CDH13: variants seen among roughly 807,000 people sequenced by gnomAD.
CDH13 encodes cadherin-13.
A neutral mutation model predicts 63.8 loss-of-function variants in CDH13; 24 were observed. That is an observed-to-expected ratio of 0.38 (90% CI 0.27 to 0.53). CDH13 has a LOEUF of 0.53. Among genes scored for constraint, CDH13 ranks in the 20% least tolerant of loss-of-function variants. The pLI, the probability that CDH13 is intolerant of heterozygous loss-of-function variation, is 0.85. For synonymous variants in CDH13, 503 were observed against 355.3 expected (o/e 1.42, Z -4.67); for missense variants, 1,049 against 903.1 (o/e 1.16, Z -2.07).
chr16:82,812,817 T>A (rs1001045565), intron 1 of CDH13, among the ~76,000 whole-genome samples: 1 of 151,954 alleles, frequency 6.6e-6, no homozygotes, highest in South Asian at 2.1e-4. Flanking sequence ...CCTTTTTCCT[T>A]CCTTCCTTCC....
chr16:82,994,564 G>A (rs1017041004), intron 2 of CDH13, among the ~76,000 whole-genome samples: 3 of 152,184 alleles, frequency 2.0e-5, no homozygotes, highest in African/African-American at 4.8e-5. Flanking sequence ...TGGAAGCCAT[G>A]TTTAGAAAGA....
chr16:82,707,541 A>G (rs943293616), intron 1 of CDH13, among the ~76,000 whole-genome samples: 5 of 152,202 alleles, frequency 3.3e-5, no homozygotes, highest in Admixed American at 2.0e-4. Context: ...AATGGAAAGA[A>G]GTCTTCCTAG....
chr16:83,565,203 C>T (rs186145483), intron 7 of CDH13, among the ~76,000 whole-genome samples: 182 of 152,150 alleles, frequency 1.2e-3, no homozygotes, highest in Admixed American at 0.011. Context: ...TCGCCCAAGG[C>T]TTACTTCTCG....
chr16:82,858,625 T>G (rs1413837075), intron 2 of CDH13, 152 bp downstream of exon 2: 3 of 693,852 alleles, frequency 4.3e-6, no homozygotes, highest in Non-Finnish European at 7.8e-6. Flanking sequence ...TGGAAATTCT[T>G]GAATGAGGGC....
chr16:83,600,716 C>A (rs1036123320), intron 7 of CDH13, among the ~76,000 whole-genome samples: 1 of 152,100 alleles, frequency 6.6e-6, no homozygotes, highest in African/African-American at 2.4e-5. Flanking sequence ...TAGTTCAACT[C>A]GGACTCTCTG....
At chr16:82,777,411 C>T (rs540425540) in intron 1 of CDH13, among the ~76,000 whole-genome samples, 9 of 152,138 alleles carry the variant, frequency 5.9e-5, no homozygotes, top group Non-Finnish European at 1.2e-4. Flanking sequence ...ATATTGTCAC[C>T]GGGCTTTAAT....
chr16:83,424,102 G>C (rs2071808717), intron 6 of CDH13, among the ~76,000 whole-genome samples: 1 of 151,718 alleles, frequency 6.6e-6, no homozygotes, highest in Middle Eastern at 3.4e-3. Context: ...TCTAGAAGAG[G>C]GAAATCCAAA....
At chr16:83,125,750 G>A (rs963842377) in intron 4 of CDH13, among the ~76,000 whole-genome samples, 1 of 152,164 alleles carries the variant, frequency 6.6e-6, no homozygotes, top group Non-Finnish European at 1.5e-5. Context: ...AATTAAGCAG[G>A]AAGATGTCAA....
At chr16:83,054,153 A>G (rs2030680466) in intron 3 of CDH13, among the ~76,000 whole-genome samples, 1 of 152,220 alleles carries the variant, frequency 6.6e-6, no homozygotes, top group Non-Finnish European at 1.5e-5. Context: ...GGTTTATATA[A>G]GTGCACTGTG....
intron 5 of CDH13, among the ~76,000 whole-genome samples, chr16:83,238,989 G>T (rs760657803): frequency 1.3e-5 from 2 of 152,126 alleles, no homozygotes; most frequent in Non-Finnish European, 2.9e-5. Flanking sequence ...TCAAAGTCAG[G>T]CATTGCAAAG....
At chr16:83,295,081 T>C (rs113981608) in intron 5 of CDH13, among the ~76,000 whole-genome samples, 6 of 152,168 alleles carry the variant, frequency 3.9e-5, no homozygotes, top group African/African-American at 1.4e-4. Flanking sequence ...AACTCATGCA[T>C]CTATGGCCAA....
At chr16:83,200,724 G>A (rs1054160730) in intron 4 of CDH13, among the ~76,000 whole-genome samples, 8 of 152,102 alleles carry the variant, frequency 5.3e-5, no homozygotes, top group Middle Eastern at 3.2e-3. Flanking sequence ...TGCAGTTTCC[G>A]AAAAACTTTG....
chr16:83,014,355 AC>A, intron 2 of CDH13, among the ~76,000 whole-genome samples: 2 of 151,502 alleles, frequency 1.3e-5, no homozygotes, highest in Non-Finnish European at 2.9e-5. Flanking sequence ...TTAGCATCTA[AC>A]TAAATTTTAA....
At chr16:82,932,276 C>G (rs1319870782) in intron 2 of CDH13, among the ~76,000 whole-genome samples, 1 of 152,136 alleles carries the variant, frequency 6.6e-6, no homozygotes, top group Non-Finnish European at 1.5e-5. Context: ...ATCTGAGATT[C>G]AAATGTAGCT....
rs572893447 is a variant in CDH13 at position 83,673,712 on chromosome 16, G to C, written c.1284+2740G>C. Among the ~76,000 whole-genome samples the C allele has an allele frequency of 1.3e-4, 20 of 152,356 alleles. No individual in the cohort carries two copies. The South Asian group carries it at 4.1e-3, about 32-fold the overall frequency. ...TATATAAGAATCATCTGCAATGTTA[G>C]TTAAAATGCAGATTTCTGGGCTTGC... On this transcript the variant is annotated intron_variant, in intron 9 of 13. Coordinates refer to ENST00000567109, the MANE Select transcript of CDH13 (RefSeq NM_001257.5).
intron 1 of CDH13, among the ~76,000 whole-genome samples, chr16:82,663,643 T>C (rs1033849588): frequency 6.6e-6 from 1 of 152,220 alleles, no homozygotes; most frequent in African/African-American, 2.4e-5. Flanking sequence ...TCTTCAGACA[T>C]CACTCTCTTG....
At chr16:82,914,860 T>G (rs1404626882) in intron 2 of CDH13, among the ~76,000 whole-genome samples, 2 of 152,224 alleles carry the variant, frequency 1.3e-5, no homozygotes, top group Admixed American at 6.5e-5. Flanking sequence ...AACTCATTAT[T>G]TATAACAGCA....
chr16:83,413,915 C>G (rs1410524455), intron 6 of CDH13, among the ~76,000 whole-genome samples: 1 of 152,110 alleles, frequency 6.6e-6, no homozygotes, highest in Non-Finnish European at 1.5e-5. Context: ...TTGCTTGAAC[C>G]TGGGAGGTGC....
At chr16:83,080,871 G>GTTTTTTTTTTGTTTTTTTTT (rs2033184900) in intron 3 of CDH13, among the ~76,000 whole-genome samples, 1 of 46,926 alleles carries the variant, frequency 2.1e-5, no homozygotes, top group South Asian at 1.3e-3. Context: ...TTGTTTTTGT[G>GTTTTTTTTTTGTTTTTTTTT]TTTTTTTTTT....
Sources: gnomAD v4.1 joint callset for allele counts (sites outside exome capture counted in the v4.1 genomes callset) on GRCh38, gnomAD v4.1.1 for gene constraint, MANE v1.5 for transcripts, NCBI Gene and HGNC (gene_info 2026-07-23, HGNC 2026-07-21) for gene names.